Variants in FGD3 observed in about 807,000 individuals in gnomAD.
FGD3 encodes FYVE, RhoGEF and PH domain-containing protein 3.
A neutral mutation model predicts 71.8 loss-of-function variants in FGD3; 45 were observed. That is an observed-to-expected ratio of 0.63 (90% CI 0.49 to 0.80). The LOEUF (loss-of-function observed/expected upper bound fraction) is 0.80. Among genes scored for constraint, FGD3 ranks in the 30% least tolerant of loss-of-function variants. The probability of loss-of-function intolerance (pLI) is 0.00; values close to 1 mark genes in which losing one functional copy is unlikely to be tolerated. For missense variants in FGD3, 844 were observed against 951.5 expected (o/e 0.89, Z 1.49); for synonymous variants, 378 against 392.8 (o/e 0.96, Z 0.44).
At chr9:93,000,195 A>C (rs549964511) in intron 3 of FGD3, among the ~76,000 whole-genome samples, 5 of 152,334 alleles carry the variant, frequency 3.3e-5, no homozygotes, top group Non-Finnish European at 7.3e-5. Flanking sequence ...CTTCAATCAC[A>C]TGCAAAAACT....
intron 1 of FGD3, among the ~76,000 whole-genome samples, chr9:92,958,002 A>ATT (rs34120692): frequency 4.3e-4 from 59 of 137,230 alleles, no homozygotes; most frequent in South Asian, 6.9e-4. Flanking sequence ...AAAATATTTA[A>ATT]TTTTTTTTTT....
In FGD3 at chr9:92,964,646, G is replaced by T. The variant is rs773522386; in HGVS notation, c.-217-10592G>T. ...GCTGGGACAGTGTTGCCTATCGTCTGGGGGTGGCTTAGGCTCTCACAAGAT... is the reference window on the plus strand; with the variant it reads ...GCTGGGACAGTGTTGCCTATCGTCTTGGGGTGGCTTAGGCTCTCACAAGAT... On this transcript the variant is annotated intron_variant, in intron 1 of 17. Coordinates refer to ENST00000375482, the MANE Select transcript of FGD3 (RefSeq NM_001083536.2). 4.7e-4 allele frequency among the ~76,000 whole-genome samples: 71 copies of T among 152,218 alleles called. 1 individual carries two copies. The highest frequency in any genetic ancestry group is 2.4e-4 in the Non-Finnish European group (16 of 68,036).
At chr9:93,023,795 CTTTTT>C (rs569058583) in intron 14 of FGD3, among the ~76,000 whole-genome samples, 4 of 107,686 alleles carry the variant, frequency 3.7e-5, no homozygotes, top group Non-Finnish European at 7.2e-5. Flanking sequence ...CCATCAGCAA[CTTTTT>C]TTTTTTTTTT....
intron 3 of FGD3, among the ~76,000 whole-genome samples, chr9:92,978,971 C>A (rs1859887416): frequency 1.3e-5 from 2 of 150,966 alleles, no homozygotes; most frequent in African/African-American, 2.4e-5. Context: ...TATTCTGTAA[C>A]CTTACTGAAC....
chr9:92,980,225 T>C (rs1329954821), intron 3 of FGD3, among the ~76,000 whole-genome samples: 1 of 152,160 alleles, frequency 6.6e-6, no homozygotes, highest in Non-Finnish European at 1.5e-5. Context: ...TTCACCGTTT[T>C]GGCCAGGGTG....
At chr9:93,010,664 GGGAT>G (rs1284099131) in intron 7 of FGD3, among the ~76,000 whole-genome samples, 4 of 115,806 alleles carry the variant, frequency 3.5e-5, no homozygotes, top group Admixed American at 1.7e-4. Flanking sequence ...GGGAGAGAGA[GGGAT>G]GGAGAAACAG....
chr9:92,987,611 G>C (rs920706220), intron 3 of FGD3, among the ~76,000 whole-genome samples: 4 of 152,122 alleles, frequency 2.6e-5, no homozygotes, highest in African/African-American at 9.7e-5. Context: ...AGAGATTCAT[G>C]TGCTCCGTTT....
At chr9:92,981,498 G>T (rs2118601407) in intron 3 of FGD3, among the ~76,000 whole-genome samples, 1 of 152,230 alleles carries the variant, frequency 6.6e-6, no homozygotes, top group South Asian at 2.1e-4. Context: ...CACTTGAGAA[G>T]AACATATATT....
chr9:92,964,266 A>G (rs1859234842), intron 1 of FGD3: 2 of 152,210 alleles, frequency 1.3e-5, no homozygotes, highest in Admixed American at 6.5e-5. Flanking sequence ...TGTGACCCAT[A>G]TTGCGAAAAT....
chr9:92,997,492 A>C (rs575588329), intron 3 of FGD3, among the ~76,000 whole-genome samples: 57 of 152,220 alleles, frequency 3.7e-4, no homozygotes, highest in African/African-American at 1.3e-3. Flanking sequence ...TAATATTCTT[A>C]TGTGTGAATT....
chr9:92,971,919 G>A (rs1406785623), intron 1 of FGD3, among the ~76,000 whole-genome samples: 1 of 150,512 alleles, frequency 6.6e-6, no homozygotes, highest in African/African-American at 2.5e-5. Flanking sequence ...TCCTTTGTAA[G>A]CACTCCCCAC....
rs751623335 is a variant in FGD3 at position 93,018,211 on chromosome 9, A to G, written c.1351A>G (p.Thr451Ala). The G allele has an allele frequency of 1.2e-6, 2 of 1,613,952 alleles. No individual in the cohort carries two copies. The highest frequency in any genetic ancestry group is 2.2e-5 in the South Asian group (2 of 91,070). ...AAGAAAAAGGTCCCTGGAGCTGCAG[A>G]CGCGGTATGGAACGGGCTGTTTCTA... ...TGRKRSLELQ[T>A]RTEEEKKEWI... The change falls in exon 11 of 18, where the codon ACG becomes GCG. Residue 451 changes from threonine (T) to alanine (A), a missense_variant. Transcript: ENST00000375482.
chr9:93,032,686 C>T (rs1198783814), intron 15 of FGD3, 83 bp from the exon 16 acceptor site: 13 of 1,068,276 alleles, frequency 1.2e-5, no homozygotes, highest in African/African-American at 1.9e-5. Context: ...CTCCACCTCC[C>T]GCCCACTCTA....
chr9:93,024,425 C>A (rs762722463), intron 14 of FGD3, among the ~76,000 whole-genome samples: 1 of 152,250 alleles, frequency 6.6e-6, no homozygotes, highest in African/African-American at 2.4e-5. Context: ...CTGCCTCCCA[C>A]ACACACAGCT....
intron 1 of FGD3, among the ~76,000 whole-genome samples, chr9:92,972,440 G>A (rs577455477): frequency 4.1e-4 from 57 of 138,940 alleles, no homozygotes; most frequent in Non-Finnish European, 7.3e-4. Context: ...GTGACAGAGC[G>A]AGACTCCATC....
At chr9:92,996,893 C>A (rs1860667179) in intron 3 of FGD3, among the ~76,000 whole-genome samples, 2 of 152,156 alleles carry the variant, frequency 1.3e-5, no homozygotes, top group Non-Finnish European at 2.9e-5. Context: ...TGCTTTACTT[C>A]CAACTATGTG....
At chr9:92,978,487 T>G (rs988993533) in intron 3 of FGD3, among the ~76,000 whole-genome samples, 25 of 144,594 alleles carry the variant, frequency 1.7e-4, no homozygotes, top group Admixed American at 3.5e-4. Flanking sequence ...TAACTTTCTT[T>G]CAATGAGAAG....
At chr9:92,993,365 C>T (rs1258219059) in intron 3 of FGD3, among the ~76,000 whole-genome samples, 1 of 152,160 alleles carries the variant, frequency 6.6e-6, no homozygotes, top group Non-Finnish European at 1.5e-5. Flanking sequence ...CATCCTGTCA[C>T]TTTCAGCCTA....
At chr9:93,023,504 A>T (rs1177089783) in intron 14 of FGD3, among the ~76,000 whole-genome samples, 1 of 152,176 alleles carries the variant, frequency 6.6e-6, no homozygotes, top group Non-Finnish European at 1.5e-5. Flanking sequence ...CCCTGCAGGG[A>T]CATCTTATTA....
Sources: gnomAD v4.1 joint callset for allele counts (sites outside exome capture counted in the v4.1 genomes callset) on GRCh38, gnomAD v4.1.1 for gene constraint, MANE v1.5 for transcripts, NCBI Gene and HGNC (gene_info 2026-07-23, HGNC 2026-07-21) for gene names.